ITK: variants seen among roughly 807,000 people sequenced by gnomAD.
ITK encodes the protein IL2 inducible T cell kinase.
ITK carries 45 observed loss-of-function variants against 87.6 expected under a neutral mutation model. The observed-to-expected ratio is 0.51, with a 90% CI of 0.40 to 0.66. The LOEUF is 0.66. ITK is among the 30% of genes least tolerant of loss of function. ITK has a pLI of 0.00. For missense variants in ITK, 605 were observed against 766.3 expected (o/e 0.79, Z 2.48); for synonymous variants, 303 against 273.6 (o/e 1.11, Z -1.06).
chr5:157,198,351 T>C (rs1753892506), intron 1 of ITK, among the ~76,000 whole-genome samples: 1 of 152,234 alleles, frequency 6.6e-6, no homozygotes, highest in Admixed American at 6.5e-5. Flanking sequence ...TCTCACTTTT[T>C]TCATTTGGGT....
chr5:157,190,498 A>G (rs1246123448), intron 1 of ITK, among the ~76,000 whole-genome samples: 3 of 152,214 alleles, frequency 2.0e-5, no homozygotes, highest in Non-Finnish European at 4.4e-5. Context: ...TTGGTGCACA[A>G]GTAACTGAGG....
Position 157,190,317 on chromosome 5 carries a change from A to G in ITK, c.138+9202A>G, listed in dbSNP as rs142447758. On this transcript the variant is annotated intron_variant, in intron 1 of 16. Transcript: ENST00000422843. The stretch of plus-strand genomic sequence containing the variant: ...ATTTTGCCATATCTTTATTATGATT[A>G]TTATTGGTTTGTTTGTTTTTATTGA... Among the ~76,000 whole-genome samples the G allele has an allele frequency of 2.0e-5, 3 of 152,224 alleles. No homozygotes were observed. The East Asian group carries it at 5.8e-4, about 29-fold the overall frequency.
intron 10 of ITK, 45 bp from the exon 11 acceptor site, chr5:157,241,601 G>A: frequency 1.5e-6 from 2 of 1,345,938 alleles, no homozygotes; most frequent in Non-Finnish European, 2.1e-6. Context: ...ATGGTTGCTA[G>A]AGCAAAGCCC....
At chr5:157,246,130 G>C in intron 15 of ITK, 131 bp downstream of exon 15, 1 of 766,650 alleles carries the variant, frequency 1.3e-6, no homozygotes, top group Non-Finnish European at 2.4e-6. Flanking sequence ...CTGGAGGGTT[G>C]TGTAAGAAAG....
intron 10 of ITK, 56 bp from the exon 11 acceptor site, chr5:157,241,590 G>A: frequency 1.7e-6 from 2 of 1,177,588 alleles, no homozygotes; most frequent in Non-Finnish European, 2.6e-6. Context: ...ATTTAAGTTA[G>A]ATGGTTGCTA....
intron 6 of ITK, among the ~76,000 whole-genome samples, chr5:157,227,270 A>G (rs13171106): frequency 6.6e-6 from 1 of 152,248 alleles, no homozygotes; most frequent in Non-Finnish European, 1.5e-5. Context: ...GTGGTATTAA[A>G]TGAGATAATG....
At position 157,241,732 on chromosome 5, in the gene ITK, A is replaced by G; in HGVS notation, c.1060+12A>G. On this transcript the variant is annotated intron_variant, in intron 11 of 16. Transcript: ENST00000422843. Reference sequence around the variant, plus strand: ...AGGGCTGAGATACGGTGAGCAGTACAATCAGGAATGTAAACTCATGTCCCT... The same window carrying G: ...AGGGCTGAGATACGGTGAGCAGTACGATCAGGAATGTAAACTCATGTCCCT... 1 of 1,606,960 alleles carries G rather than the reference A, an allele frequency of 6.2e-7. No homozygotes were observed. Among genetic ancestry groups the G allele is most frequent in the Non-Finnish European group, 8.5e-7 (1 of 1,173,778 alleles).
intron 1 of ITK, among the ~76,000 whole-genome samples, chr5:157,191,544 C>T: frequency 6.6e-6 from 1 of 152,228 alleles, no homozygotes; most frequent in East Asian, 1.9e-4. Flanking sequence ...TGTGTCAGCA[C>T]TGGTCTTTTC....
At chr5:157,197,880 A>C (rs1219148175) in intron 1 of ITK, among the ~76,000 whole-genome samples, 1 of 152,176 alleles carries the variant, frequency 6.6e-6, no homozygotes, top group African/African-American at 2.4e-5. Flanking sequence ...TTTTTATTAC[A>C]TCTTTATATA....
At chr5:157,196,249 T>C (rs1363066215) in intron 1 of ITK, among the ~76,000 whole-genome samples, 1 of 152,152 alleles carries the variant, frequency 6.6e-6, no homozygotes, top group Non-Finnish European at 1.5e-5. Context: ...TATGAGCAAA[T>C]TACTCTCTAC....
intron 1 of ITK, among the ~76,000 whole-genome samples, chr5:157,191,815 T>C (rs141904440): frequency 6.6e-6 from 1 of 152,278 alleles, no homozygotes; most frequent in East Asian, 1.9e-4. Flanking sequence ...CCAGGTATAA[T>C]GAAAACACCA....
At chr5:157,240,525 C>T (rs566526836) in intron 10 of ITK, 1 of 387,126 alleles carries the variant, frequency 2.6e-6, no homozygotes, top group Non-Finnish European at 4.8e-6. Flanking sequence ...CAGAGGGCAC[C>T]TGGGTTAGAC....
At chr5:157,198,123 GA>G (rs71577320) in intron 1 of ITK, among the ~76,000 whole-genome samples, 31,275 of 128,694 alleles carry the variant, frequency 0.24, 3,745 homozygotes, top group South Asian at 0.36. Context: ...TATCTCTTAA[GA>G]AAAAAAAAAA....
intron 10 of ITK, 49 bp from the exon 11 acceptor site, chr5:157,241,597 G>A: frequency 7.9e-7 from 1 of 1,267,548 alleles, no homozygotes; most frequent in Non-Finnish European, 1.2e-6. Context: ...TTAGATGGTT[G>A]CTAGAGCAAA....
chr5:157,252,596 T>TC lies in ITK; in HGVS notation c.1792-8dup, dbSNP rs1415465696. ...ACAAGGAACTTACAGAGTTCTTTTT[T>TC]CCCTCTCCAGAGACCAGAAGATCGG... is the stretch of plus-strand genomic sequence containing the variant. On this transcript the variant is annotated splice_polypyrimidine_tract_variant and intron_variant, in intron 16 of 16. Coordinates refer to ENST00000422843, the MANE Select transcript of ITK (RefSeq NM_005546.4). 2.2e-5 allele frequency: 36 copies of TC among 1,611,166 alleles called. No individual in the cohort carries two copies. The highest frequency in any genetic ancestry group is 3.0e-5 in the Non-Finnish European group (35 of 1,177,368).
In ITK at chr5:157,190,803, C is replaced by A. The variant is rs163313; in HGVS notation, c.138+9688C>A. Among the ~76,000 whole-genome samples, 9 of 152,134 alleles carry A rather than the reference C, an allele frequency of 5.9e-5. No homozygotes were observed. The South Asian group carries it at 1.2e-3, about 21-fold the overall frequency. ...CTGAGGAAGGAAAAAGCTTGGCTTG[C>A]GTGAGGAACAGAGATTTGAACATGC... On this transcript the variant is annotated intron_variant, in intron 1 of 16. Transcript: ENST00000422843.
intron 1 of ITK, among the ~76,000 whole-genome samples, chr5:157,186,676 C>CAA (rs1233415361): frequency 9.7e-6 from 1 of 103,030 alleles, no homozygotes; most frequent in Non-Finnish European, 2.0e-5. Context: ...AACTCCGTCT[C>CAA]AAAAAAAGAG....
intron 6 of ITK, among the ~76,000 whole-genome samples, chr5:157,224,590 G>A (rs1419135229): frequency 6.6e-6 from 1 of 152,094 alleles, no homozygotes; most frequent in Non-Finnish European, 1.5e-5. Flanking sequence ...GACCAACCTG[G>A]CCAACATGGT....
chr5:157,214,514 A>G (rs1754257400), intron 4 of ITK, among the ~76,000 whole-genome samples, 195 bp downstream of exon 4: 1 of 152,158 alleles, frequency 6.6e-6, no homozygotes, highest in Admixed American at 6.5e-5. Flanking sequence ...ACAGCTCCTA[A>G]CCACTTGAAG....
Sources: allele counts gnomAD v4.1 joint callset (sites outside exome capture counted in the v4.1 genomes callset), GRCh38; gene constraint gnomAD v4.1.1; transcripts MANE v1.5; gene names NCBI Gene and HGNC (gene_info 2026-07-23, HGNC 2026-07-21).